The following DLGAP1 variants were observed in gnomAD, a reference collection of about 807,000 sequenced individuals.
The protein encoded by DLGAP1 is disks large-associated protein 1.
In DLGAP1, 11 loss-of-function variants were observed where a neutral mutation model predicts 90.8. The observed-to-expected ratio is 0.12, with a 90% CI of 0.08 to 0.20. The LOEUF (loss-of-function observed/expected upper bound fraction) is 0.20. Ranked by LOEUF, DLGAP1 falls within the 10% of genes least tolerant of loss-of-function variation. The probability of loss-of-function intolerance (pLI) is 1.00; values close to 1 mark genes in which losing one functional copy is unlikely to be tolerated. For synonymous variants in DLGAP1, 558 were observed against 540.7 expected, an observed-to-expected ratio of 1.03 and a Z score of -0.44; for missense variants, 1,050 against 1,333.8, an observed-to-expected ratio of 0.79 and a Z score of 3.31.
At chr18:4,064,061 T>C (rs1447359906) in intron 2 of DLGAP1, among the ~76,000 whole-genome samples, 1 of 152,092 alleles carries the variant, frequency 6.6e-6, no homozygotes, top group Non-Finnish European at 1.5e-5. Flanking sequence ...ACTCAGTCTT[T>C]TAGCATCTGG....
chr18:4,156,704 G>T (rs1340921952), intron 1 of DLGAP1, among the ~76,000 whole-genome samples: 1 of 152,112 alleles, frequency 6.6e-6, no homozygotes, highest in Non-Finnish European at 1.5e-5. Context: ...GAACAGATAT[G>T]AATCTATAGA....
chr18:4,435,042 G>C (rs970278877), intron 1 of DLGAP1, among the ~76,000 whole-genome samples: 2 of 152,200 alleles, frequency 1.3e-5, no homozygotes, highest in African/African-American at 4.8e-5. Context: ...TGGAGGGCTA[G>C]ACATGAAATG....
At chr18:4,310,935 C>A (rs868047714) in intron 1 of DLGAP1, among the ~76,000 whole-genome samples, 2 of 152,270 alleles carry the variant, frequency 1.3e-5, no homozygotes, top group Middle Eastern at 6.8e-3. Context: ...ACCGTAGGTG[C>A]CTTACAGAAC....
intron 1 of DLGAP1, among the ~76,000 whole-genome samples, chr18:4,377,481 G>A (rs1175518063): frequency 6.6e-6 from 1 of 152,130 alleles, no homozygotes; most frequent in Non-Finnish European, 1.5e-5. Context: ...AACATGGAAT[G>A]TATTTTGATC....
At chr18:3,567,445 C>T (rs762361803) in intron 9 of DLGAP1, 45 bp downstream of exon 9, 1 of 1,517,972 alleles carries the variant, frequency 6.6e-7, no homozygotes, top group African/African-American at 1.4e-5. Flanking sequence ...TTTTACCTTA[C>T]TTCAAAACAT....
chr18:4,254,246 A>G (rs2078841005), intron 1 of DLGAP1, among the ~76,000 whole-genome samples: 1 of 152,212 alleles, frequency 6.6e-6, no homozygotes, highest in African/African-American at 2.4e-5. Context: ...TATTTTGTAT[A>G]GAGAGCTGCT....
intron 7 of DLGAP1, among the ~76,000 whole-genome samples, chr18:3,664,034 G>A (rs1362337966): frequency 6.6e-6 from 1 of 152,082 alleles, no homozygotes; most frequent in African/African-American, 2.4e-5. Flanking sequence ...TTTGGACTTC[G>A]ACTTGAACTG....
At chr18:3,706,153 T>A (rs1002729922) in intron 7 of DLGAP1, among the ~76,000 whole-genome samples, 1 of 151,236 alleles carries the variant, frequency 6.6e-6, no homozygotes, top group Non-Finnish European at 1.5e-5. Context: ...CTCACCACCA[T>A]GCCTGGTTAA....
chr18:4,224,037 A>T (rs757477078), intron 1 of DLGAP1, among the ~76,000 whole-genome samples: 28 of 152,212 alleles, frequency 1.8e-4, no homozygotes, highest in Non-Finnish European at 4.0e-4. Flanking sequence ...GTCCTGAGAC[A>T]CTCATTCCAG....
At chr18:4,149,316 C>A (rs1236162759) in intron 2 of DLGAP1, among the ~76,000 whole-genome samples, 5 of 152,136 alleles carry the variant, frequency 3.3e-5, no homozygotes, top group Non-Finnish European at 4.4e-5. Context: ...AGTGTCGAAA[C>A]AGAATTCACT....
At chr18:3,978,394 G>T in intron 3 of DLGAP1, 2 of 324,308 alleles carry the variant, frequency 6.2e-6, no homozygotes, top group South Asian at 3.0e-5. Flanking sequence ...GATGATGAGT[G>T]ATGCAGTTTC....
intron 1 of DLGAP1, among the ~76,000 whole-genome samples, chr18:4,345,916 C>CA: frequency 6.6e-6 from 1 of 152,220 alleles, no homozygotes; most frequent in Admixed American, 6.5e-5. Flanking sequence ...CAAGTGAAGT[C>CA]TGCTTTGCAA....
Position 3,592,063 on chromosome 18 carries a change from G to A in DLGAP1, c.1592-9815C>T, listed in dbSNP as rs566854472. ...TTTCAAATTGGATGGTTATGATAAT[G>A]AGTGAAATTTAGACAAGAATTTGCA... On this transcript the variant is annotated intron_variant, in intron 7 of 12. Coordinates refer to ENST00000315677, the MANE Select transcript of DLGAP1 (RefSeq NM_004746.4). Among the ~76,000 whole-genome samples, 9 of 152,270 alleles carry A rather than the reference G, an allele frequency of 5.9e-5. No homozygotes were observed. The East Asian group carries it at 9.7e-4, about 16-fold the overall frequency.
rs145482904 is a variant in DLGAP1 at position 4,087,028 on chromosome 18, G to GATATATATAT, written c.-159+64142_-159+64151dup. Reference sequence around the variant, plus strand: ...TAGTTCTGAAGTCTACCTTGTCTGAGATATATATATATACACAAACACATA... The same window carrying GATATATATAT: ...TAGTTCTGAAGTCTACCTTGTCTGAGATATATATATATATATATATATACACAAACACATA... On this transcript the variant is annotated intron_variant, in intron 2 of 12. Coordinates refer to ENST00000315677, the MANE Select transcript of DLGAP1 (RefSeq NM_004746.4). Among the ~76,000 whole-genome samples the GATATATATAT allele has an allele frequency of 1.3e-3, 161 of 121,938 alleles. 5 individuals are homozygous for GATATATATAT. In the East Asian group the frequency reaches 0.024, roughly 19 times the overall value. 80.0% of individuals were successfully genotyped at this position (121,938 alleles called of 152,430 possible). A position where few individuals can be genotyped will look rare whatever the true frequency, so the allele number is the denominator to read the frequency against.
chr18:4,454,650 T>C lies in DLGAP1; in HGVS notation c.-267+356A>G, dbSNP rs62085396. Among the ~76,000 whole-genome samples, 24,097 of 151,662 alleles carry C rather than the reference T, an allele frequency of 0.16. 2,056 individuals are homozygous for C. Among genetic ancestry groups the C allele is most frequent in the South Asian group, 0.26 (1,242 of 4,794 alleles). ...GGGGTGCGAATTTGACCGGTGGACA[T>C]GACCGGGACAGGGGACCGGTGTTCT... On this transcript the variant is annotated intron_variant, in intron 1 of 12. Transcript: ENST00000315677. This position sits in a 1 kb window ranked among gnomAD's most constrained non-coding sequence, Gnocchi z 4.7.
chr18:4,198,991 G>A (rs1405262988), intron 1 of DLGAP1, among the ~76,000 whole-genome samples: 1 of 152,236 alleles, frequency 6.6e-6, no homozygotes, highest in Non-Finnish European at 1.5e-5. Flanking sequence ...TCTGCTGCAA[G>A]TGCTCATCAG....
intron 1 of DLGAP1, among the ~76,000 whole-genome samples, chr18:4,385,697 G>A (rs961694681): frequency 6.6e-6 from 1 of 152,102 alleles, no homozygotes; most frequent in African/African-American, 2.4e-5. Context: ...ACCATCCAGA[G>A]ACTTCTAAAA....
chr18:4,214,528 G>A (rs1471343578), intron 1 of DLGAP1, among the ~76,000 whole-genome samples: 2 of 152,146 alleles, frequency 1.3e-5, no homozygotes, highest in Admixed American at 1.3e-4. Context: ...TGGGGTGGAG[G>A]CAGAGGGTAC....
chr18:4,304,752 G>A (rs1206858036), intron 1 of DLGAP1, among the ~76,000 whole-genome samples: 1 of 152,108 alleles, frequency 6.6e-6, no homozygotes, highest in Non-Finnish European at 1.5e-5. Flanking sequence ...CCAACATGGT[G>A]AAACCTCATC....
Sources: allele counts gnomAD v4.1 joint callset (sites outside exome capture counted in the v4.1 genomes callset), GRCh38; gene constraint gnomAD v4.1.1; non-coding constraint Gnocchi (gnomAD v3.1); transcripts MANE v1.5; gene names NCBI Gene and HGNC (gene_info 2026-07-23, HGNC 2026-07-21).